Variants in PIM2 observed in about 807,000 individuals in gnomAD.
The protein encoded by PIM2 is Pim-2 proto-oncogene, serine/threonine kinase.
In PIM2, 3 loss-of-function variants were observed where a neutral mutation model predicts 18.0. That is an observed-to-expected ratio of 0.17 (90% confidence interval 0.08 to 0.43). The LOEUF (loss-of-function observed/expected upper bound fraction) is 0.43. Among genes scored for constraint, PIM2 ranks in the 20% least tolerant of loss-of-function variants. The probability of loss-of-function intolerance (pLI) is 0.99; values close to 1 mark genes in which losing one functional copy is unlikely to be tolerated. For missense variants in PIM2, 181 were observed against 260.8 expected (o/e 0.69, Z 2.11); for synonymous variants, 117 against 105.3 (o/e 1.11, Z -0.68).
At position 48,914,243 on chromosome X, in the gene PIM2, G is replaced by A; in HGVS notation, c.824C>T (p.Pro275Leu). The A allele has an allele frequency of 8.3e-7, 1 of 1,205,571 alleles. No individual in the cohort carries two copies. The highest frequency in any genetic ancestry group is 1.1e-6 in the Non-Finnish European group (1 of 892,191). The stretch of plus-strand genomic sequence containing the variant: ...GTCCAGCAGGATCTCTTCCAGTGAG[G>A]GTCGGGAAGAAGGTTTGGGGGCCAG... ...RCLAPKPSSR[P>L]SLEEILLDPW... Residue 275 changes from proline to leucine, a missense_variant, in exon 6 of 6, where the codon CCC becomes CTC. By Grantham distance (98) the Pro-to-Leu change is moderately conservative (BLOSUM62 -3). Around this residue, in one of 5 missense-constraint regions of PIM2, gnomAD observed 41 missense variants for 52.0 expected, o/e 0.79. Transcript: ENST00000376509.
chrX:48,918,388 C>T, intron 2 of PIM2, 148 bp downstream of exon 2: 1 of 439,353 alleles, frequency 2.3e-6, no homozygotes, highest in Non-Finnish European at 3.9e-6. Flanking sequence ...AGGCTCACTC[C>T]TCGGACACGG....
At chrX:48,915,474 C>T in intron 3 of PIM2, 82 bp from the exon 4 acceptor site, 1 of 971,967 alleles carries the variant, frequency 1.0e-6, no homozygotes, top group Non-Finnish European at 1.4e-6. Context: ...TTTACCTAAG[C>T]TCAACTCAGG....
Position 48,914,412 on chromosome X carries a change from G to T in PIM2, c.755C>A (p.Pro252Gln). Residue 252 changes from proline to glutamine, a missense_variant, in exon 5 of 6, where the codon CCA becomes CAA. Coordinates refer to ENST00000376509, the MANE Select transcript of PIM2 (RefSeq NM_006875.4). The stretch of plus-strand genomic sequence containing the variant: ...GGCCTCACCTGGGGAGACATGGGCT[G>T]GGAAGTGGAGCTCAGCTTCCAGAAT... ...QEILEAELHF[P>Q]AHVSPDCCAL... The T allele has an allele frequency of 8.3e-7, 1 of 1,211,122 alleles. No homozygotes were observed.
At chrX:48,915,498 A>C in intron 3 of PIM2, 106 bp from the exon 4 acceptor site, 3 of 810,640 alleles carry the variant, frequency 3.7e-6, no homozygotes, top group Non-Finnish European at 5.1e-6. Flanking sequence ...CCTTTTCCTG[A>C]CAGTGTGTCG....
intron 1 of PIM2, 51 bp downstream of exon 1, chrX:48,918,723 C>G: frequency 1.7e-6 from 2 of 1,143,154 alleles, no homozygotes; most frequent in Middle Eastern, 5.0e-4. Flanking sequence ...GCGCTGCAAC[C>G]CATCATTCCA....
Position 48,914,406 on chromosome X carries a change from T to A in PIM2, c.761A>T (p.His254Leu). 1 of 1,210,667 alleles carries A rather than the reference T, an allele frequency of 8.3e-7. No individual in the cohort carries two copies. ...ILEAELHFPAHVSPDCCALIR... is the reference protein window; with the variant it reads ...ILEAELHFPALVSPDCCALIR... ...CAGTGAGGCCTCACCTGGGGAGACA[T>A]GGGCTGGGAAGTGGAGCTCAGCTTC... is the stretch of plus-strand genomic sequence containing the variant. Residue 254 changes from histidine (H) to leucine (L), a missense_variant, in exon 5 of 6, where the codon CAT becomes CTT. This residue lies in a region of PIM2 where 41 missense variants were observed against 52.0 expected (regional missense o/e 0.79). Coordinates refer to ENST00000376509, the MANE Select transcript of PIM2 (RefSeq NM_006875.4).
Position 48,914,778 on chromosome X carries a change from A to C in PIM2, c.596-207T>G. ...GTAACAGGATCCCCTTACCAGAGAA[A>C]GAATACTCAGGATGGTAACAGGATC... On this transcript the variant is annotated intron_variant, in intron 4 of 5. Transcript: ENST00000376509. 7 of 458,876 alleles carry C rather than the reference A, an allele frequency of 1.5e-5. No homozygotes were observed. In the South Asian group the frequency reaches 2.7e-4, roughly 17 times the overall value. 37.8% of individuals were successfully genotyped at this position (458,876 alleles called of 1,213,427 possible). A position where few individuals can be genotyped will look rare whatever the true frequency, so the allele number is the denominator to read the frequency against.
chrX:48,915,414 G>GAAA (rs2063560551), intron 3 of PIM2, 22 bp from the exon 4 acceptor site: 17 of 1,177,392 alleles, frequency 1.4e-5, no homozygotes, highest in Non-Finnish European at 1.8e-5. Flanking sequence ...GGTGGGGTGG[G>GAAA]AAGCAGGGAG....
intron 3 of PIM2, 115 bp from the exon 4 acceptor site, chrX:48,915,507 C>G (rs887788858): frequency 1.4e-6 from 1 of 698,701 alleles, no homozygotes; most frequent in African/African-American, 2.2e-5. Context: ...GACAGTGTGT[C>G]GCTAAGCAAC....
At position 48,915,335 on chromosome X, in the gene PIM2, C is replaced by A. The variant is rs1409882194; in HGVS notation, c.280G>T (p.Gly94Cys). The stretch of plus-strand genomic sequence containing the variant: ...AGGCGGATCACGCCAGGGTGCCCAC[C>A]ACCTGCACCCACTTTCCATAGCAGT... ...VALLWKVGAG[G>C]GHPGVIRLLD... Residue 94 changes from glycine to cysteine, a missense_variant, in exon 4 of 6, where the codon GGT becomes TGT. Gly to Cys is a radical substitution (Grantham distance 159). Around this residue, in one of 5 missense-constraint regions of PIM2, gnomAD observed 104 missense variants for 125.3 expected, o/e 0.83. Coordinates refer to ENST00000376509, the MANE Select transcript of PIM2 (RefSeq NM_006875.4). 1.7e-6 allele frequency: 2 copies of A among 1,207,059 alleles called. No individual in the cohort carries two copies. Among genetic ancestry groups the A allele is most frequent in the Admixed American group, 2.2e-5 (1 of 45,606 alleles).
intron 3 of PIM2, 129 bp from the exon 4 acceptor site, chrX:48,915,521 C>A (rs1463963239): frequency 1.4e-5 from 9 of 622,514 alleles, no homozygotes; most frequent in Admixed American, 4.0e-5. Context: ...AAGCAACTCA[C>A]TTCCCTTCCT....
In PIM2 at chrX:48,914,383, G is replaced by A; in HGVS notation, c.772+12C>T. Reference sequence around the variant, plus strand: ...GATGGAGTCTTCTGGGCTGGGGTCAGTGAGGCCTCACCTGGGGAGACATGG... The same window carrying A: ...GATGGAGTCTTCTGGGCTGGGGTCAATGAGGCCTCACCTGGGGAGACATGG... On this transcript the variant is annotated intron_variant, in intron 5 of 5. Coordinates refer to ENST00000376509, the MANE Select transcript of PIM2 (RefSeq NM_006875.4). 1 of 1,211,002 alleles carries A rather than the reference G, an allele frequency of 8.3e-7. No individual in the cohort carries two copies. Among genetic ancestry groups the A allele is most frequent in the Non-Finnish European group, 1.1e-6 (1 of 895,098 alleles).
At chrX:48,917,965 C>G in intron 2 of PIM2, 134 bp from the exon 3 acceptor site, 1 of 518,955 alleles carries the variant, frequency 1.9e-6, no homozygotes, top group Non-Finnish European at 3.4e-6. Context: ...CACAGCACCC[C>G]ACAGAACGCG....
intron 3 of PIM2, among the ~76,000 whole-genome samples, chrX:48,915,894 A>C (rs1276565694): frequency 8.9e-6 from 1 of 112,532 alleles, no homozygotes; most frequent in Non-Finnish European, 1.9e-5. Flanking sequence ...CAGCTGTCTC[A>C]AAACAAACAA....
chrX:48,917,313 C>A (rs2063565764), intron 3 of PIM2, among the ~76,000 whole-genome samples: 1 of 111,976 alleles, frequency 8.9e-6, no homozygotes, highest in South Asian at 3.8e-4. Context: ...CGTTTTCTCA[C>A]CGAGATGCAA....
At chrX:48,915,482 A>G in intron 3 of PIM2, 90 bp from the exon 4 acceptor site, 1 of 924,888 alleles carries the variant, frequency 1.1e-6, no homozygotes, top group African/African-American at 2.0e-5. Flanking sequence ...AGCTCAACTC[A>G]GGGCCCCTTT....
Position 48,918,926 on chromosome X carries a change from G to C in PIM2, c.-92C>G. The C allele has an allele frequency of 2.7e-6, 2 of 744,344 alleles. No individual in the cohort carries two copies. The allele number at this position is 744,344 out of a possible 1,213,427, so 61.3% of individuals were successfully genotyped here. ...CAGCGCAGCTGGGGAGCCAGGGCTG[G>C]GGGGCGCCAGGGTGGAAAGCAGAGA... is the stretch of plus-strand genomic sequence containing the variant. On this transcript the variant is annotated 5_prime_UTR_variant, in exon 1 of 6. Transcript: ENST00000376509.
rs2063556534 is a variant in PIM2, at chrX:48,914,116, C to CAGGCCAGGCCAGGCT, written c.936_*14dup. 9.5e-7 allele frequency: 1 copy of CAGGCCAGGCCAGGCT among 1,048,407 alleles called. No individual in the cohort carries two copies. Among genetic ancestry groups the CAGGCCAGGCCAGGCT allele is most frequent in the South Asian group, 2.2e-5 (1 of 44,632 alleles). 86.4% of individuals were successfully genotyped at this position (1,048,407 alleles called of 1,213,427 possible). A position where few individuals can be genotyped will look rare whatever the true frequency, so the allele number is the denominator to read the frequency against. ...CTCTTCTGACCATTGGGGGCCAGGC[C>CAGGCCAGGCCAGGCT]AGGCCAGGCCAGGCTTAGGGTAGCA... On this transcript the variant is annotated 3_prime_UTR_variant, in exon 6 of 6. Transcript: ENST00000376509.
intron 3 of PIM2, chrX:48,915,628 A>AGCACTTAATAGCATGGGCTCTG: frequency 2.7e-6 from 1 of 365,766 alleles, no homozygotes; most frequent in African/African-American, 2.6e-5. Flanking sequence ...TAGATCAATA[A>AGCACTTAATAGCATGGGCTCTG]ACATTTGAAT....
Sources: gnomAD v4.1 joint callset for allele counts (sites outside exome capture counted in the v4.1 genomes callset) on GRCh38, gnomAD v4.1.1 for gene constraint, gnomAD v4.1.1 regional missense constraint, MANE v1.5 for transcripts, NCBI Gene and HGNC (gene_info 2026-07-23, HGNC 2026-07-21) for gene names.